PRKG1: variants seen among roughly 807,000 people sequenced by gnomAD.
PRKG1 encodes protein kinase cGMP-dependent 1, also known as cGMP-dependent protein kinase 1.
In PRKG1, 35 loss-of-function variants were observed where a neutral mutation model predicts 88.1. The ratio of observed to expected loss-of-function variants is 0.40; its 90% CI spans 0.30 to 0.53. PRKG1 has a LOEUF of 0.53. Ranked by LOEUF, PRKG1 falls within the 20% of genes least tolerant of loss-of-function variation. PRKG1 has a pLI of 0.59. For missense variants in PRKG1, 540 were observed against 839.8 expected (o/e 0.64, Z 4.41); for synonymous variants, 303 against 292.5 (o/e 1.04, Z -0.37).
At chr10:51,350,439 C>A (rs1842215101) in intron 2 of PRKG1, among the ~76,000 whole-genome samples, 1 of 152,078 alleles carries the variant, frequency 6.6e-6, no homozygotes, top group Non-Finnish European at 1.5e-5. Flanking sequence ...CATACCTCAA[C>A]ATAATAAAAG....
intron 9 of PRKG1, among the ~76,000 whole-genome samples, chr10:52,170,134 T>C (rs1488720231): frequency 2.0e-5 from 3 of 152,210 alleles, no homozygotes; most frequent in African/African-American, 4.8e-5. Context: ...AATATTGTAG[T>C]ATAAATTTGT....
chr10:51,411,520 G>A (rs776069640), intron 2 of PRKG1, among the ~76,000 whole-genome samples: 5 of 152,164 alleles, frequency 3.3e-5, no homozygotes, highest in Non-Finnish European at 5.9e-5. Context: ...GGAGAATAAC[G>A]GATAATGGCA....
chr10:51,246,586 T>G (rs1480495231), intron 2 of PRKG1, among the ~76,000 whole-genome samples: 1 of 146,856 alleles, frequency 6.8e-6, no homozygotes, highest in Non-Finnish European at 1.5e-5. Flanking sequence ...TTCTAACCCC[T>G]GGCATTAAAC....
intron 5 of PRKG1, among the ~76,000 whole-genome samples, chr10:52,004,482 A>G (rs556516473): frequency 6.6e-6 from 1 of 152,336 alleles, no homozygotes; most frequent in East Asian, 1.9e-4. Context: ...GACTGAATCT[A>G]TCCTCCCAGA....
intron 4 of PRKG1, among the ~76,000 whole-genome samples, chr10:51,842,403 G>T (rs1840300234): frequency 6.6e-6 from 1 of 152,146 alleles, no homozygotes; most frequent in South Asian, 2.1e-4. Flanking sequence ...ACTAATGGAA[G>T]CAGACCATTT....
intron 5 of PRKG1, among the ~76,000 whole-genome samples, chr10:52,012,070 T>C (rs1844898330): frequency 6.6e-6 from 1 of 152,134 alleles, no homozygotes; most frequent in Non-Finnish European, 1.5e-5. Flanking sequence ...AGCATGAAAA[T>C]TGACTAATAC....
chr10:51,717,543 A>C (rs1487996443), intron 3 of PRKG1, among the ~76,000 whole-genome samples: 1 of 152,154 alleles, frequency 6.6e-6, no homozygotes, highest in Admixed American at 6.6e-5. Context: ...GAAATGGAGA[A>C]GTAATGGGCC....
At chr10:51,549,700 C>T (rs1015059831) in intron 3 of PRKG1, among the ~76,000 whole-genome samples, 5 of 152,058 alleles carry the variant, frequency 3.3e-5, no homozygotes, top group African/African-American at 9.7e-5. Flanking sequence ...GTCAGTAACT[C>T]GTGGTGTTCT....
At chr10:51,926,226 A>G (rs1201984192) in intron 5 of PRKG1, among the ~76,000 whole-genome samples, 1 of 152,186 alleles carries the variant, frequency 6.6e-6, no homozygotes, top group East Asian at 1.9e-4. Flanking sequence ...ATGAAGAACA[A>G]ACTCGAGCTG....
At chr10:52,214,142 C>G (rs1465390102) in intron 9 of PRKG1, among the ~76,000 whole-genome samples, 1 of 152,072 alleles carries the variant, frequency 6.6e-6, no homozygotes, top group Non-Finnish European at 1.5e-5. Context: ...ACACCCTCCC[C>G]AAACTCTAGG....
At chr10:52,138,336 C>T (rs1837483824) in intron 8 of PRKG1, among the ~76,000 whole-genome samples, 1 of 152,116 alleles carries the variant, frequency 6.6e-6, no homozygotes, top group Non-Finnish European at 1.5e-5. Flanking sequence ...TTCCTTTCAC[C>T]TCTGATAATG....
chr10:51,240,510 T>A (rs1839123709), intron 2 of PRKG1, among the ~76,000 whole-genome samples: 1 of 152,208 alleles, frequency 6.6e-6, no homozygotes, highest in South Asian at 2.1e-4. Context: ...ACAAAGTCAG[T>A]TATTTTATAT....
chr10:51,585,827 ATG>A, intron 3 of PRKG1, among the ~76,000 whole-genome samples: 2 of 152,322 alleles, frequency 1.3e-5, no homozygotes, highest in East Asian at 3.9e-4. Flanking sequence ...AGCAACGTGA[ATG>A]GAGCTGAGGC....
chr10:51,467,301 G>T (rs79856469), intron 2 of PRKG1, among the ~76,000 whole-genome samples: 1,625 of 152,098 alleles, frequency 0.011, 33 homozygotes, highest in African/African-American at 0.037. Context: ...AAGGGTCAAA[G>T]TAATTCCCCT....
At chr10:51,841,755 T>A (rs1250773150) in intron 4 of PRKG1, among the ~76,000 whole-genome samples, 1 of 152,124 alleles carries the variant, frequency 6.6e-6, no homozygotes, top group Non-Finnish European at 1.5e-5. Context: ...CGATTTCAGC[T>A]CCCTGCCACC....
At chr10:51,991,972 T>C (rs1275034997) in intron 5 of PRKG1, among the ~76,000 whole-genome samples, 1 of 152,188 alleles carries the variant, frequency 6.6e-6, no homozygotes, top group Non-Finnish European at 1.5e-5. Flanking sequence ...AATTATTGTA[T>C]TGGATGGTAT....
At chr10:52,080,486 C>A (rs1368788353) in intron 7 of PRKG1, among the ~76,000 whole-genome samples, 1 of 151,720 alleles carries the variant, frequency 6.6e-6, no homozygotes, top group African/African-American at 2.4e-5. Flanking sequence ...ATATTTTTTT[C>A]TCCTATTTTT....
intron 2 of PRKG1, among the ~76,000 whole-genome samples, chr10:51,232,059 G>A (rs150113843): frequency 6.6e-6 from 1 of 152,276 alleles, no homozygotes; most frequent in African/African-American, 2.4e-5. Context: ...CTGACTGAAT[G>A]CTTTTCACTT....
chr10:51,442,945 C>G (rs293247), intron 2 of PRKG1, among the ~76,000 whole-genome samples: 5,017 of 152,094 alleles, frequency 0.033, 286 homozygotes, highest in African/African-American at 0.11. Context: ...ATAGAGTTAC[C>G]TGGATACTTA....
Sources: gnomAD v4.1 joint callset for allele counts (sites outside exome capture counted in the v4.1 genomes callset) on GRCh38, gnomAD v4.1.1 for gene constraint, MANE v1.5 for transcripts, NCBI Gene and HGNC (gene_info 2026-07-23, HGNC 2026-07-21) for gene names.